The following PCDHGB1 variants were observed in gnomAD, a reference collection of about 807,000 sequenced individuals.
PCDHGB1 encodes protocadherin gamma subfamily B, 1, also known as protocadherin gamma-B1.
In PCDHGB1, 34 loss-of-function variants were observed where a neutral mutation model predicts 56.6. The observed-to-expected ratio is 0.60, with a 90% CI of 0.46 to 0.80. The LOEUF is 0.80. Among genes scored for constraint, PCDHGB1 ranks in the 30% least tolerant of loss-of-function variants. The pLI is 0.00. For synonymous variants in PCDHGB1, 561 were observed against 505.9 expected, an observed-to-expected ratio of 1.11 and a Z score of -1.46; for missense variants, 1,278 against 1,204.6, an observed-to-expected ratio of 1.06 and a Z score of -0.90.
At chr5:141,507,852 T>C (rs556569001) in intron 3 of PCDHGB1, among the ~76,000 whole-genome samples, 25 of 152,118 alleles carry the variant, frequency 1.6e-4, no homozygotes, top group Non-Finnish European at 2.6e-4. Context: ...CTGCTCTCAC[T>C]TTCACACCCG....
intron 1 of PCDHGB1, chr5:141,355,836 C>T (rs1343860462): frequency 6.2e-7 from 1 of 1,612,432 alleles, no homozygotes; most frequent in East Asian, 2.2e-5. Flanking sequence ...ACCTCGTTCT[C>T]ACGGCCTTCG....
intron 1 of PCDHGB1, chr5:141,376,596 T>C: frequency 6.5e-7 from 1 of 1,549,136 alleles, no homozygotes; most frequent in South Asian, 1.2e-5. Flanking sequence ...GATCGGCTGT[T>C]ATAGAAGCGA....
At chr5:141,358,948 G>A (rs183481542) in intron 1 of PCDHGB1, among the ~76,000 whole-genome samples, 2 of 152,276 alleles carry the variant, frequency 1.3e-5, no homozygotes, top group East Asian at 3.9e-4. Context: ...TGTTCTTTGT[G>A]CTTTCATTTA....
chr5:141,411,868 A>G (rs2095520425), intron 1 of PCDHGB1: 1 of 152,224 alleles, frequency 6.6e-6, no homozygotes, highest in South Asian at 2.1e-4. Flanking sequence ...TCAAAAAAAA[A>G]AGACATTTCT....
At chr5:141,371,925 A>G in intron 1 of PCDHGB1, 3 of 1,613,324 alleles carry the variant, frequency 1.9e-6, no homozygotes, top group East Asian at 4.5e-5. Flanking sequence ...GAGCGCGCGG[A>G]GCGGGGTGGT....
chr5:141,417,556 A>G, intron 1 of PCDHGB1: 1 of 333,096 alleles, frequency 3.0e-6, no homozygotes, highest in Non-Finnish European at 5.4e-6. Flanking sequence ...TGAAAGAGGT[A>G]GAGAAAAGTC....
At chr5:141,383,378 C>G (rs753458256) in intron 1 of PCDHGB1, 1 of 1,614,002 alleles carries the variant, frequency 6.2e-7, no homozygotes, top group Non-Finnish European at 8.5e-7. Context: ...GCTGGGGATC[C>G]AGATGTGGGC....
At chr5:141,356,591 A>G in intron 1 of PCDHGB1, 2 of 1,614,128 alleles carry the variant, frequency 1.2e-6, no homozygotes, top group Non-Finnish European at 1.7e-6. Flanking sequence ...ATTCCTGAAA[A>G]CAACCCCAGA....
Position 141,487,356 on chromosome 5 carries a change from C to A in PCDHGB1, c.2410-7451C>A. On this transcript the variant is annotated intron_variant, in intron 1 of 3. Coordinates refer to ENST00000523390, the MANE Select transcript of PCDHGB1 (RefSeq NM_018922.3). The surrounding 1 kb of genome is among the most constrained non-coding windows in gnomAD (Gnocchi z 5.0). ...GCCTGTGGAGTCACATGCTTTCCTG[C>A]TGGCACCTGTGCCTGTCTCACCAGA... 1 of 1,614,220 alleles carries A rather than the reference C, an allele frequency of 6.2e-7. No individual in the cohort carries two copies. The highest frequency in any genetic ancestry group is 8.5e-7 in the Non-Finnish European group (1 of 1,180,042).
intron 1 of PCDHGB1, chr5:141,422,386 A>G: frequency 1.3e-6 from 2 of 1,587,922 alleles, no homozygotes; most frequent in Non-Finnish European, 1.7e-6. Flanking sequence ...CTCCTGTTTT[A>G]TTCCTAACCA....
chr5:141,352,275 G>T lies in PCDHGB1; in HGVS notation c.2015G>T (p.Ser672Ile). Residue 672 changes from serine to isoleucine, a missense_variant, in exon 1 of 4, where the codon AGC becomes ATC. Physicochemically the swap from Ser to Ile is moderately radical, Grantham distance 142 (BLOSUM62 -2). Transcript: ENST00000523390. ...DSLQEVLPDL[S>I]DRPEPSDPQT... is the part of the protein sequence containing the mutation. ...CTGCAAGAGGTATTGCCAGACCTCA[G>T]CGACCGCCCTGAGCCCTCTGACCCC... The T allele has an allele frequency of 6.2e-7, 1 of 1,614,086 alleles. No individual in the cohort carries two copies. The highest frequency in any genetic ancestry group is 8.5e-7 in the Non-Finnish European group (1 of 1,179,908).
intron 1 of PCDHGB1, chr5:141,433,284 C>T: frequency 8.5e-7 from 1 of 1,176,236 alleles, no homozygotes; most frequent in Non-Finnish European, 1.2e-6. Flanking sequence ...GCCTCAAACT[C>T]CTAGGCTCAA....
intron 1 of PCDHGB1, chr5:141,410,752 G>GT: frequency 4.4e-6 from 5 of 1,130,822 alleles, no homozygotes; most frequent in Non-Finnish European, 5.8e-6. Context: ...TTTTCTCAAT[G>GT]TTTTTTCAAT....
At chr5:141,438,949 A>G (rs538626951) in intron 1 of PCDHGB1, among the ~76,000 whole-genome samples, 1 of 152,170 alleles carries the variant, frequency 6.6e-6, no homozygotes, top group East Asian at 1.9e-4. Flanking sequence ...TATAGGCATG[A>G]GCCACCGCAC....
intron 1 of PCDHGB1, among the ~76,000 whole-genome samples, chr5:141,473,107 C>A (rs2099314182): frequency 6.6e-6 from 1 of 152,134 alleles, no homozygotes; most frequent in Admixed American, 6.5e-5. Flanking sequence ...TATTACCACA[C>A]TTTACTTGGC....
chr5:141,362,154 A>G, intron 1 of PCDHGB1: 1 of 1,614,030 alleles, frequency 6.2e-7, no homozygotes, highest in Non-Finnish European at 8.5e-7. Flanking sequence ...AGGTATTGCC[A>G]GACCTCAGCG....
intron 1 of PCDHGB1, chr5:141,399,534 A>G (rs772655467): frequency 3.7e-6 from 6 of 1,614,030 alleles, no homozygotes; most frequent in Middle Eastern, 1.6e-4. Flanking sequence ...CCATCGCGCA[A>G]GTCTGCGCCT....
At chr5:141,394,596 G>A (rs1485546922) in intron 1 of PCDHGB1, 2 of 1,613,702 alleles carry the variant, frequency 1.2e-6, no homozygotes, top group Non-Finnish European at 1.7e-6. Flanking sequence ...GGTGGCGGTG[G>A]ACAGAGACTC....
chr5:141,420,028 A>C, intron 1 of PCDHGB1: 2 of 1,614,076 alleles, frequency 1.2e-6, no homozygotes, highest in Non-Finnish European at 1.7e-6. Flanking sequence ...GCCCTACTGC[A>C]GGAGACTGCT....
Sources: gnomAD v4.1 joint callset for allele counts (sites outside exome capture counted in the v4.1 genomes callset) on GRCh38, gnomAD v4.1.1 for gene constraint, Gnocchi (gnomAD v3.1) non-coding constraint, MANE v1.5 for transcripts, NCBI Gene and HGNC (gene_info 2026-07-23, HGNC 2026-07-21) for gene names.